Variants in CCDC93 observed in about 807,000 individuals in gnomAD.
The protein encoded by CCDC93 is coiled-coil domain-containing protein 93.
A neutral mutation model predicts 108.2 loss-of-function variants in CCDC93; 61 were observed. That is an observed-to-expected ratio of 0.56 (90% CI 0.46 to 0.70). CCDC93 has a LOEUF of 0.70. CCDC93 is among the 30% of genes least tolerant of loss of function. The pLI, the probability that CCDC93 is intolerant of heterozygous loss-of-function variation, is 0.00. For missense variants in CCDC93, 685 were observed against 764.2 expected (o/e 0.90, Z 1.22); for synonymous variants, 276 against 260.4 (o/e 1.06, Z -0.58).
At chr2:117,942,331 C>A (rs1338211082) in intron 18 of CCDC93, among the ~76,000 whole-genome samples, 1 of 152,146 alleles carries the variant, frequency 6.6e-6, no homozygotes, top group African/African-American at 2.4e-5. Context: ...TCTTTAATCG[C>A]CATCACCTTT....
At chr2:117,923,014 A>AT (rs1677930483) in intron 23 of CCDC93, among the ~76,000 whole-genome samples, 1 of 152,132 alleles carries the variant, frequency 6.6e-6, no homozygotes, top group Admixed American at 6.5e-5. Context: ...GTTCAAAAAA[A>AT]AAAAAGGACT....
chr2:117,932,798 C>A (rs1321870336), intron 22 of CCDC93, among the ~76,000 whole-genome samples: 1 of 152,226 alleles, frequency 6.6e-6, no homozygotes, highest in Non-Finnish European at 1.5e-5. Context: ...GCAGTTCCCA[C>A]TACTGTTCCT....
At position 117,949,374 on chromosome 2, in the gene CCDC93, G is replaced by A. The variant is rs908015789; in HGVS notation, c.1090C>T (p.Leu364=). The A allele has an allele frequency of 5.0e-6, 8 of 1,613,360 alleles. No homozygotes were observed. In the Admixed American group the frequency reaches 6.7e-5, roughly 13 times the overall value. Residue 364 remains leucine (L), a synonymous_variant, in exon 14 of 24, where the codon CTG becomes TTG. Transcript: ENST00000376300. Reference sequence around the variant, plus strand: ...TCGAGGGCTGCTTGCTCTTTGTCCAGTTTCTCACTGTAAGTCTTCAGCTGC... The same window carrying A: ...TCGAGGGCTGCTTGCTCTTTGTCCAATTTCTCACTGTAAGTCTTCAGCTGC... ...LTELKTYSEK[L]DKEQAALEKI...
intron 22 of CCDC93, 87 bp from the exon 23 acceptor site, chr2:117,931,237 C>A (rs1306920945): frequency 1.2e-6 from 1 of 839,060 alleles, no homozygotes; most frequent in Non-Finnish European, 2.0e-6. Context: ...CAGTTGTTAA[C>A]AGTTTCATGG....
Position 117,975,296 on chromosome 2 carries a change from T to C in CCDC93, c.658-16A>G. 2 of 1,578,964 alleles carry C rather than the reference T, an allele frequency of 1.3e-6. No individual in the cohort carries two copies. The highest frequency in any genetic ancestry group is 2.2e-5 in the South Asian group (2 of 90,366). On this transcript the variant is annotated splice_polypyrimidine_tract_variant and intron_variant, in intron 8 of 23. Transcript: ENST00000376300. Reference sequence around the variant, plus strand: ...TGTCCTCAGCCTGCAAGGGAAGATGTGAAAACAGCTGAGCACGGGAGATGG... The same window carrying C: ...TGTCCTCAGCCTGCAAGGGAAGATGCGAAAACAGCTGAGCACGGGAGATGG...
chr2:117,956,962 C>T (rs534189386), intron 12 of CCDC93, among the ~76,000 whole-genome samples: 14 of 151,774 alleles, frequency 9.2e-5, no homozygotes, highest in East Asian at 1.9e-4. Flanking sequence ...ATGATCTCGG[C>T]TCACCGCAAC....
chr2:117,923,564 G>T (rs575107892), intron 23 of CCDC93, among the ~76,000 whole-genome samples: 21 of 152,308 alleles, frequency 1.4e-4, no homozygotes, highest in African/African-American at 5.1e-4. Flanking sequence ...AGTGAGGCTG[G>T]GGGAGGGGCA....
chr2:117,980,754 A>G (rs1409356914), intron 7 of CCDC93, among the ~76,000 whole-genome samples: 4 of 152,262 alleles, frequency 2.6e-5, no homozygotes. Context: ...ACTGGATTTT[A>G]GTGTATTCAC....
At chr2:118,001,007 C>T in intron 3 of CCDC93, 75 bp from the exon 4 acceptor site, 1 of 877,210 alleles carries the variant, frequency 1.1e-6, no homozygotes, top group South Asian at 1.4e-5. Context: ...GTCTGGGCAG[C>T]ATCACAGACG....
chr2:117,959,359 C>A (rs1309181601), intron 11 of CCDC93, among the ~76,000 whole-genome samples: 2 of 152,194 alleles, frequency 1.3e-5, no homozygotes, highest in Non-Finnish European at 2.9e-5. Context: ...CAAACACCAA[C>A]AATAAAACAT....
intron 7 of CCDC93, among the ~76,000 whole-genome samples, chr2:117,984,725 C>T (rs538603902): frequency 1.3e-5 from 2 of 152,172 alleles, no homozygotes; most frequent in South Asian, 2.1e-4. Flanking sequence ...TTCTGGGACA[C>T]GTGACACCCA....
intron 19 of CCDC93, among the ~76,000 whole-genome samples, chr2:117,940,187 G>C (rs909019751): frequency 9.2e-5 from 14 of 152,296 alleles, no homozygotes; most frequent in African/African-American, 3.4e-4. Context: ...GAGGAATACG[G>C]AGTAGGAGGG....
At chr2:118,003,561 C>T (rs1242685124) in intron 3 of CCDC93, among the ~76,000 whole-genome samples, 1 of 152,078 alleles carries the variant, frequency 6.6e-6, no homozygotes, top group East Asian at 1.9e-4. Flanking sequence ...ATAGAGTTAC[C>T]AATTGCCTAG....
intron 21 of CCDC93, 99 bp from the exon 22 acceptor site, chr2:117,935,678 G>A: frequency 1.2e-6 from 1 of 863,982 alleles, no homozygotes; most frequent in Non-Finnish European, 1.8e-6. Context: ...TGACTCTTAG[G>A]AGAGGCAATC....
At chr2:117,930,027 C>T (rs889703892) in intron 23 of CCDC93, among the ~76,000 whole-genome samples, 17 of 152,134 alleles carry the variant, frequency 1.1e-4, no homozygotes, top group African/African-American at 1.4e-4. Context: ...TGGCATCTGC[C>T]CAGGGGTATA....
intron 7 of CCDC93, chr2:117,985,367 A>AAG (rs1680284705): frequency 1.6e-6 from 1 of 608,650 alleles, no homozygotes; most frequent in Non-Finnish European, 2.1e-6. Context: ...AACACAAAGG[A>AAG]AGCACAAGGA....
intron 23 of CCDC93, among the ~76,000 whole-genome samples, chr2:117,926,365 C>A (rs1033513843): frequency 2.6e-5 from 4 of 152,124 alleles, no homozygotes; most frequent in South Asian, 2.1e-4. Flanking sequence ...AATTGATAGA[C>A]TGCTAGCAAG....
At chr2:117,988,969 A>G (rs531691470) in intron 6 of CCDC93, among the ~76,000 whole-genome samples, 3 of 152,220 alleles carry the variant, frequency 2.0e-5, no homozygotes, top group Non-Finnish European at 4.4e-5. Context: ...GGTGGGTAAG[A>G]ATAAGATCAC....
intron 11 of CCDC93, among the ~76,000 whole-genome samples, chr2:117,963,146 C>G (rs927116955): frequency 2.0e-5 from 3 of 152,160 alleles, no homozygotes; most frequent in African/African-American, 7.2e-5. Flanking sequence ...ATGGGGCTCA[C>G]AGTCAAAAAT....
Sources: gnomAD v4.1 joint callset for allele counts (sites outside exome capture counted in the v4.1 genomes callset) on GRCh38, gnomAD v4.1.1 for gene constraint, MANE v1.5 for transcripts, NCBI Gene and HGNC (gene_info 2026-07-23, HGNC 2026-07-21) for gene names.